LYST: variants seen among roughly 807,000 people sequenced by gnomAD.
LYST encodes the protein lysosomal-trafficking regulator.
A neutral mutation model predicts 413.6 loss-of-function variants in LYST; 192 were observed. The ratio of observed to expected loss-of-function variants is 0.46; its 90% confidence interval spans 0.41 to 0.52. LYST has a LOEUF of 0.52. LYST is among the 20% of genes least tolerant of loss of function. The pLI is 0.00. For synonymous variants in LYST, 1,525 were observed against 1,567.3 expected (o/e 0.97, Z 0.64); for missense variants, 3,815 against 4,499.9 (o/e 0.85, Z 4.35).
chr1:235,882,771 G>A (rs188343983), intron 1 of LYST, among the ~76,000 whole-genome samples: 23 of 152,238 alleles, frequency 1.5e-4, no homozygotes, highest in Admixed American at 5.9e-4. Flanking sequence ...TGTTGGAGAT[G>A]TTCAGTTTCA....
Position 235,802,941 on chromosome 1 carries a change from T to C in LYST, c.3679A>G (p.Ser1227Gly), listed in dbSNP as rs1672406860. 1 of 1,613,650 alleles carries C rather than the reference T, an allele frequency of 6.2e-7. No homozygotes were observed. The highest frequency in any genetic ancestry group is 8.5e-7 in the Non-Finnish European group (1 of 1,179,816). Residue 1227 changes from serine (S) to glycine (G), a missense_variant, in exon 8 of 53, where the codon AGC (serine) becomes GGC (glycine). Physicochemically the swap from Ser to Gly is moderately conservative, Grantham distance 56. Around this residue, in one of 4 missense-constraint regions of LYST, gnomAD observed 1,648 missense variants for 1,810.3 expected, o/e 0.91. Transcript: ENST00000389793. ...TGGGTTTCGCCATCTTCAGGATTGC[T>C]TTCACTATCTGCTTCGTAACCTTCT... ...EEEGYEADSESNPEDGETQDD... is the reference protein window; with the variant it reads ...EEEGYEADSEGNPEDGETQDD...
chr1:235,710,720 A>T (rs1010973237), intron 43 of LYST, among the ~76,000 whole-genome samples: 2 of 152,212 alleles, frequency 1.3e-5, no homozygotes, highest in African/African-American at 4.8e-5. Context: ...TGACTGCCTC[A>T]ATGAATAGGA....
intron 1 of LYST, among the ~76,000 whole-genome samples, chr1:235,842,015 G>A (rs1677274471): frequency 6.6e-6 from 1 of 152,090 alleles, no homozygotes; most frequent in Admixed American, 6.6e-5. Context: ...ATTTCTGGTG[G>A]TATGGATTTT....
intron 42 of LYST, chr1:235,713,167 TA>T (rs1380007673): frequency 6.1e-6 from 6 of 983,730 alleles, no homozygotes; most frequent in Non-Finnish European, 7.2e-6. Flanking sequence ...GGCTGGCCAC[TA>T]AAAAAAATCT....
At chr1:235,769,701 T>TA (rs1187933426) in intron 20 of LYST, among the ~76,000 whole-genome samples, 1 of 152,148 alleles carries the variant, frequency 6.6e-6, no homozygotes, top group Non-Finnish European at 1.5e-5. Flanking sequence ...ATGTAACTGA[T>TA]ACAATTAGTG....
chr1:235,879,691 A>G (rs1345206567), intron 1 of LYST, among the ~76,000 whole-genome samples: 1 of 151,948 alleles, frequency 6.6e-6, no homozygotes, highest in East Asian at 1.9e-4. Flanking sequence ...GAAATATGGA[A>G]CTATAAACTG....
chr1:235,723,285 A>T (rs927561333), intron 39 of LYST, among the ~76,000 whole-genome samples: 3 of 152,184 alleles, frequency 2.0e-5, no homozygotes, highest in African/African-American at 7.2e-5. Flanking sequence ...CGGGAGTTAC[A>T]ATATGTGAGT....
chr1:235,755,756 G>T, intron 24 of LYST, 109 bp from the exon 25 acceptor site: 1 of 646,160 alleles, frequency 1.5e-6, no homozygotes, highest in Non-Finnish European at 2.7e-6. Flanking sequence ...ATGTACAGAA[G>T]AACACAGAAA....
intron 5 of LYST, among the ~76,000 whole-genome samples, chr1:235,807,116 A>G (rs1438153365): frequency 6.6e-6 from 1 of 152,166 alleles, no homozygotes; most frequent in African/African-American, 2.4e-5. Context: ...AGCCACCACC[A>G]CACCTGAGGT....
rs6663958 is a variant in LYST at position 235,701,843 on chromosome 1, T to G, written c.10374+904A>C. Among the ~76,000 whole-genome samples, 860 of 152,334 alleles carry G rather than the reference T, an allele frequency of 5.6e-3. 7 individuals carry two copies. The highest frequency in any genetic ancestry group is 0.02 in the African/African-American group (813 of 41,576). On this transcript the variant is annotated intron_variant, in intron 45 of 52. Coordinates refer to ENST00000389793, the MANE Select transcript of LYST (RefSeq NM_000081.4). ...AATTGAATTTCACTGGTGGAATAAGTTTTGTTTGTATTTAACATGAACATT... is the reference window on the plus strand; with the variant it reads ...AATTGAATTTCACTGGTGGAATAAGGTTTGTTTGTATTTAACATGAACATT...
chr1:235,677,574 T>G lies in LYST; in HGVS notation c.10846A>C (p.Thr3616Pro), dbSNP rs772706857. Residue 3616 changes from threonine (T) to proline (P), a missense_variant, in exon 49 of 53, where the codon ACA becomes CCA. Transcript: ENST00000389793. ...METQIHLYGH[T>P]EEITSLFVCK... ...ACAAATAAGCTGGTTATCTCTTCTG[T>G]GTGACCATAGAGATGTATTTGAGTC... 1 of 1,612,750 alleles carries G rather than the reference T, an allele frequency of 6.2e-7. No individual in the cohort carries two copies. Among genetic ancestry groups the G allele is most frequent in the African/African-American group, 1.3e-5 (1 of 74,902 alleles).
chr1:235,772,267 T>C (rs982133998), intron 19 of LYST, among the ~76,000 whole-genome samples: 1 of 152,138 alleles, frequency 6.6e-6, no homozygotes, highest in African/African-American at 2.4e-5. Flanking sequence ...AACTCATTAC[T>C]GGTAATGTGT....
intron 1 of LYST, among the ~76,000 whole-genome samples, chr1:235,877,516 C>T (rs1310749187): frequency 6.6e-6 from 1 of 152,170 alleles, no homozygotes; most frequent in Non-Finnish European, 1.5e-5. Context: ...AAGCAATTCT[C>T]CTGCCTCTGC....
intron 3 of LYST, chr1:235,827,908 G>A (rs569792251): frequency 3.4e-6 from 2 of 589,376 alleles, no homozygotes. Context: ...AATACATAAA[G>A]AACTGCTACA....
upstream of LYST, chr1:235,866,912 C>T (rs1167022817): frequency 6.5e-6 from 1 of 154,394 alleles, no homozygotes; most frequent in Non-Finnish European, 1.4e-5. Context: ...ACGCCGCTGC[C>T]GCCGCCGCCG....
chr1:235,803,967 C>T (rs1193181924), intron 7 of LYST, among the ~76,000 whole-genome samples: 1 of 151,824 alleles, frequency 6.6e-6, no homozygotes, highest in Non-Finnish European at 1.5e-5. Flanking sequence ...CAATTATGTA[C>T]CACATAATTT....
At chr1:235,712,670 T>A in intron 42 of LYST, 2 of 985,272 alleles carry the variant, frequency 2.0e-6, no homozygotes, top group African/African-American at 3.5e-5. Context: ...TTTTTCTCCT[T>A]TCTTTTCTTT....
chr1:235,773,790 T>G, intron 19 of LYST, 52 bp downstream of exon 19: 1 of 1,450,660 alleles, frequency 6.9e-7, no homozygotes, highest in Non-Finnish European at 9.7e-7. Context: ...AAATTTTGTG[T>G]TATATGCATT....
At chr1:235,818,710 T>C (rs1254595041) in intron 3 of LYST, among the ~76,000 whole-genome samples, 1 of 152,206 alleles carries the variant, frequency 6.6e-6, no homozygotes, top group African/African-American at 2.4e-5. Context: ...TCTTTATCTT[T>C]GGCAGGTGAA....
Sources: gnomAD v4.1 joint callset for allele counts (sites outside exome capture counted in the v4.1 genomes callset) on GRCh38, gnomAD v4.1.1 for gene constraint, gnomAD v4.1.1 regional missense constraint, MANE v1.5 for transcripts, NCBI Gene and HGNC (gene_info 2026-07-23, HGNC 2026-07-21) for gene names.